The following DLGAP2 variants were observed in gnomAD, a reference collection of about 807,000 sequenced individuals.
The protein encoded by DLGAP2 is DLG associated protein 2, also known as disks large-associated protein 2.
In DLGAP2, 26 loss-of-function variants were observed where a neutral mutation model predicts 100.3. That is an observed-to-expected ratio of 0.26 (90% CI 0.19 to 0.36). The LOEUF (loss-of-function observed/expected upper bound fraction) is 0.36, where lower values mean the gene tolerates loss of function less well. Ranked by LOEUF, DLGAP2 falls within the 10% of genes least tolerant of loss-of-function variation. The pLI, the probability that DLGAP2 is intolerant of heterozygous loss-of-function variation, is 1.00. For synonymous variants in DLGAP2, 886 were observed against 630.1 expected, an observed-to-expected ratio of 1.41 and a Z score of -6.08; for missense variants, 1,858 against 1,453.2, an observed-to-expected ratio of 1.28 and a Z score of -4.53.
At chr8:1,544,587 T>G (rs568382885) in intron 4 of DLGAP2, among the ~76,000 whole-genome samples, 18 of 152,236 alleles carry the variant, frequency 1.2e-4, no homozygotes, top group Non-Finnish European at 1.9e-4. Context: ...ATGTGGCCTT[T>G]TCCCCTTTGT....
intron 3 of DLGAP2, among the ~76,000 whole-genome samples, chr8:1,478,280 C>T (rs868475217): frequency 3.3e-5 from 5 of 152,192 alleles, no homozygotes; most frequent in Non-Finnish European, 7.3e-5. Flanking sequence ...AGCCCTCCTT[C>T]CCTTTCCTTC....
intron 8 of DLGAP2, among the ~76,000 whole-genome samples, chr8:1,662,682 C>G (rs946032760): frequency 9.9e-5 from 15 of 152,256 alleles, no homozygotes; most frequent in African/African-American, 3.6e-4. Context: ...ATGCAAATGC[C>G]AAGACCGCCT....
At chr8:1,584,053 G>T (rs1421954437) in intron 6 of DLGAP2, among the ~76,000 whole-genome samples, 1 of 152,036 alleles carries the variant, frequency 6.6e-6, no homozygotes. Flanking sequence ...CCACATGCCT[G>T]TTTGCTTTCC....
intron 3 of DLGAP2, among the ~76,000 whole-genome samples, chr8:1,363,647 C>G (rs950861867): frequency 1.3e-5 from 2 of 152,198 alleles, no homozygotes; most frequent in African/African-American, 4.8e-5. Context: ...GTCTTCTGGC[C>G]CTCTTGACCT....
intron 12 of DLGAP2, among the ~76,000 whole-genome samples, chr8:1,687,670 G>C (rs1270763247): frequency 6.6e-6 from 1 of 152,164 alleles, no homozygotes; most frequent in African/African-American, 2.4e-5. Context: ...TTTTGCCCAT[G>C]TGTTCATGTT....
chr8:1,569,329 A>G (rs992736311), intron 6 of DLGAP2, among the ~76,000 whole-genome samples: 2 of 152,252 alleles, frequency 1.3e-5, no homozygotes, highest in Non-Finnish European at 2.9e-5. Flanking sequence ...ACGTGCCCCA[A>G]TCATTCTTTT....
At chr8:946,010 C>G (rs1799309767) in intron 2 of DLGAP2, among the ~76,000 whole-genome samples, 1 of 152,250 alleles carries the variant, frequency 6.6e-6, no homozygotes, top group South Asian at 2.1e-4. Context: ...TGCATGGTCT[C>G]TGGGGGGTTG....
At chr8:1,351,505 G>C in intron 3 of DLGAP2, among the ~76,000 whole-genome samples, 1 of 58,052 alleles carries the variant, frequency 1.7e-5, no homozygotes, top group African/African-American at 4.9e-5. Flanking sequence ...TAGGCTGTGC[G>C]GGTCCTGACT....
chr8:1,144,265 G>A (rs913521710), intron 2 of DLGAP2, among the ~76,000 whole-genome samples: 26 of 152,264 alleles, frequency 1.7e-4, no homozygotes, highest in African/African-American at 6.0e-4. Context: ...CACAGATGGA[G>A]AAGGCGGTGG....
intron 2 of DLGAP2, among the ~76,000 whole-genome samples, chr8:940,145 T>C (rs921219954): frequency 2.0e-5 from 3 of 152,086 alleles, no homozygotes; most frequent in African/African-American, 4.8e-5. Flanking sequence ...CCTGAAGACA[T>C]GGCTTATGGC....
At chr8:1,177,336 A>T (rs1282858712) in intron 2 of DLGAP2, among the ~76,000 whole-genome samples, 1 of 152,058 alleles carries the variant, frequency 6.6e-6, no homozygotes, top group African/African-American at 2.4e-5. Context: ...GCATTATATC[A>T]TAAGCCTGGC....
intron 6 of DLGAP2, among the ~76,000 whole-genome samples, chr8:1,595,690 AAG>A (rs1554505297): frequency 4.7e-5 from 7 of 150,284 alleles, no homozygotes; most frequent in Non-Finnish European, 8.9e-5. Flanking sequence ...AAAAAAAAAA[AAG>A]AAATAGGTCA....
intron 2 of DLGAP2, among the ~76,000 whole-genome samples, chr8:1,008,504 T>A (rs1316296032): frequency 6.6e-6 from 1 of 152,236 alleles, no homozygotes; most frequent in African/African-American, 2.4e-5. Flanking sequence ...AAAATCATAT[T>A]TTCTTATTGA....
At chr8:1,005,904 G>C (rs1170037581) in intron 2 of DLGAP2, among the ~76,000 whole-genome samples, 1 of 152,098 alleles carries the variant, frequency 6.6e-6, no homozygotes, top group African/African-American at 2.4e-5. Flanking sequence ...CGGGGAGTGA[G>C]GGAGATCAAA....
chr8:746,838 C>T (rs144186520), intron 1 of DLGAP2, among the ~76,000 whole-genome samples: 186 of 152,322 alleles, frequency 1.2e-3, no homozygotes, highest in South Asian at 1.0e-2. Flanking sequence ...TTCACCATCC[C>T]GGTGTAGCCC....
At chr8:1,365,163 G>A (rs1299320987) in intron 3 of DLGAP2, among the ~76,000 whole-genome samples, 2 of 152,192 alleles carry the variant, frequency 1.3e-5, no homozygotes, top group African/African-American at 4.8e-5. Context: ...GTGGTTCGGG[G>A]CATTTGAGGG....
At chr8:1,026,199 T>C (rs1801795472) in intron 2 of DLGAP2, among the ~76,000 whole-genome samples, 1 of 151,976 alleles carries the variant, frequency 6.6e-6, no homozygotes, top group Non-Finnish European at 1.5e-5. Context: ...AGGACGTGCC[T>C]CACGATCGTG....
At chr8:944,193 C>T (rs11777133) in intron 2 of DLGAP2, among the ~76,000 whole-genome samples, 20,376 of 152,218 alleles carry the variant, frequency 0.13, 1,739 homozygotes, top group Non-Finnish European at 0.19. Context: ...GGTAACCCGT[C>T]CCTGTGAGTG....
chr8:1,257,651 C>T (rs1055813572), intron 2 of DLGAP2, among the ~76,000 whole-genome samples: 10 of 152,128 alleles, frequency 6.6e-5, no homozygotes, highest in African/African-American at 1.4e-4. Flanking sequence ...CTGTAGCTGA[C>T]GTGGAAGAGC....
Sources: allele counts gnomAD v4.1 joint callset (sites outside exome capture counted in the v4.1 genomes callset), GRCh38; gene constraint gnomAD v4.1.1; transcripts MANE v1.5; gene names NCBI Gene and HGNC (gene_info 2026-07-23, HGNC 2026-07-21).